The following DGKB variants were observed in gnomAD, a reference collection of about 807,000 sequenced individuals.
The protein encoded by DGKB is 90 kDa diacylglycerol kinase.
Under a neutral mutation model 114.3 loss-of-function variants are expected in DGKB, and 67 were observed. The ratio of observed to expected loss-of-function variants is 0.59; its 90% CI spans 0.48 to 0.72. The LOEUF is 0.72. DGKB is among the 30% of genes least tolerant of loss of function. The probability of loss-of-function intolerance (pLI) is 0.00; values close to 1 mark genes in which losing one functional copy is unlikely to be tolerated. For synonymous variants in DGKB, 398 were observed against 323.1 expected (o/e 1.23, Z -2.49); for missense variants, 907 against 975.2 (o/e 0.93, Z 0.93).
At chr7:14,700,248 C>G (rs1486422319) in intron 7 of DGKB, among the ~76,000 whole-genome samples, 8 of 142,926 alleles carry the variant, frequency 5.6e-5, no homozygotes, top group Admixed American at 2.2e-4. Context: ...GAGTCTTGCT[C>G]TCTCGCCCAG....
chr7:14,212,625 T>C (rs1788304951), intron 23 of DGKB, among the ~76,000 whole-genome samples: 1 of 152,122 alleles, frequency 6.6e-6, no homozygotes, highest in Non-Finnish European at 1.5e-5. Flanking sequence ...ATCTTGCAGA[T>C]GAGCTACACA....
At chr7:14,915,301 C>CTCAAGAATCA (rs1321728065) in intron 1 of DGKB, among the ~76,000 whole-genome samples, 2 of 152,076 alleles carry the variant, frequency 1.3e-5, no homozygotes, top group East Asian at 1.9e-4. Context: ...TCACTTGAGC[C>CTCAAGAATCA]CAGGAATTCG....
intron 20 of DGKB, among the ~76,000 whole-genome samples, chr7:14,549,237 A>G (rs567487485): frequency 1.3e-5 from 2 of 152,236 alleles, no homozygotes; most frequent in South Asian, 4.1e-4. Flanking sequence ...AGATGGTACT[A>G]TTGAACTGGT....
At chr7:14,492,176 C>A (rs889321439) in intron 20 of DGKB, among the ~76,000 whole-genome samples, 2 of 152,026 alleles carry the variant, frequency 1.3e-5, no homozygotes, top group East Asian at 3.9e-4. Flanking sequence ...GAAATTGCTC[C>A]TGTTAATCTT....
intron 21 of DGKB, among the ~76,000 whole-genome samples, chr7:14,432,435 C>A (rs1828595677): frequency 6.6e-6 from 1 of 152,142 alleles, no homozygotes; most frequent in Non-Finnish European, 1.5e-5. Context: ...TGTCTTTATT[C>A]TTTCAGGATA....
chr7:14,375,384 A>T (rs6946703), intron 21 of DGKB, among the ~76,000 whole-genome samples: 88,811 of 152,144 alleles, frequency 0.58, 26,437 homozygotes, highest in East Asian at 0.65. Flanking sequence ...CTAAGAGGTA[A>T]TGAACATGTA....
chr7:14,618,824 T>A (rs911644137), intron 15 of DGKB, among the ~76,000 whole-genome samples: 4 of 151,428 alleles, frequency 2.6e-5, no homozygotes, highest in Non-Finnish European at 5.9e-5. Context: ...GCAGTGTAGA[T>A]CTCTTCTGTC....
At chr7:14,567,257 T>A (rs1412941803) in intron 20 of DGKB, among the ~76,000 whole-genome samples, 2 of 50,208 alleles carry the variant, frequency 4.0e-5, no homozygotes, top group African/African-American at 1.8e-4. Context: ...ATTATATATT[T>A]ATATATTATA....
rs200127476 is a variant in DGKB at position 14,630,270 on chromosome 7, T to C, written c.1135-2A>G. ...TGAAACTCCTGAAGTGGGCAGAGTCTGCTGAAAAAGAGAAGTTCATATGAA... is the reference window on the plus strand; with the variant it reads ...TGAAACTCCTGAAGTGGGCAGAGTCCGCTGAAAAAGAGAAGTTCATATGAA... On this transcript the variant is annotated splice_acceptor_variant, in intron 13 of 25. Coordinates refer to ENST00000402815, the MANE Select transcript of DGKB (RefSeq NM_001350709.2). LOFTEE classifies it high-confidence loss of function. 1.3e-6 allele frequency: 2 copies of C among 1,555,056 alleles called. No homozygotes were observed. The highest frequency in any genetic ancestry group is 1.7e-6 in the Non-Finnish European group (2 of 1,150,148).
At position 14,146,970 on chromosome 7, in the gene DGKB, T is replaced by C. The variant is rs1207498639; in HGVS notation, c.*2161A>G. 1 of 152,192 alleles carries C rather than the reference T, an allele frequency of 6.6e-6. No homozygotes were observed. The highest frequency in any genetic ancestry group is 2.1e-4 in the South Asian group (1 of 4,828). 9.4% of individuals were successfully genotyped at this position (152,192 alleles called of 1,614,324 possible). A position where few individuals can be genotyped will look rare whatever the true frequency, so the allele number is the denominator to read the frequency against. On this transcript the variant is annotated 3_prime_UTR_variant, in exon 26 of 26. Transcript: ENST00000402815. ...CTGTTGCTGCCTTCAAACTATATAC[T>C]ATAAAAGGTAGCCAAGACATAATTG...
intron 17 of DGKB, among the ~76,000 whole-genome samples, chr7:14,597,624 C>T (rs996924984): frequency 2.0e-5 from 3 of 151,956 alleles, no homozygotes; most frequent in African/African-American, 7.3e-5. Context: ...TTTTCATGCT[C>T]CTTGAGTTGC....
chr7:14,178,457 A>G (rs1420642132), intron 23 of DGKB, among the ~76,000 whole-genome samples: 1 of 151,724 alleles, frequency 6.6e-6, no homozygotes, highest in Non-Finnish European at 1.5e-5. Context: ...CAACAAACTT[A>G]ATGTTATTCC....
chr7:14,223,183 T>C (rs1286749212), intron 23 of DGKB, among the ~76,000 whole-genome samples: 2 of 151,706 alleles, frequency 1.3e-5, no homozygotes, highest in Non-Finnish European at 3.0e-5. Context: ...AATTTTTGTT[T>C]TCTATAAGTC....
In DGKB at chr7:14,283,022, T is replaced by G. The variant is rs184047831; in HGVS notation, c.2122+55493A>C. ...TGGAAGTTCTGGCCAGGGCAATTAG[T>G]CAGGAGAAGGAAATAAGGGGTATTC... On this transcript the variant is annotated intron_variant, in intron 23 of 25. Coordinates refer to ENST00000402815, the MANE Select transcript of DGKB (RefSeq NM_001350709.2). 6.2e-3 allele frequency among the ~76,000 whole-genome samples: 938 copies of G among 150,452 alleles called. 5 individuals carry two copies. Among genetic ancestry groups the G allele is most frequent in the African/African-American group, 0.018 (739 of 41,388 alleles).
intron 6 of DGKB, among the ~76,000 whole-genome samples, chr7:14,702,429 G>C (rs2129012576): frequency 6.6e-6 from 1 of 152,264 alleles, no homozygotes; most frequent in Non-Finnish European, 1.5e-5. Flanking sequence ...ATCTGAGGTG[G>C]AGCTTCAGAG....
At position 14,338,583 on chromosome 7, in the gene DGKB, A is replaced by G; in HGVS notation, c.2054T>C (p.Ile685Thr). Residue 685 changes from isoleucine (I) to threonine (T), a missense_variant, in exon 23 of 26, where the codon ATA (isoleucine) becomes ACA (threonine). Transcript: ENST00000402815. ...ESKKRRSHRR[I>T]EKKGSDKRTT... ...CCTTTTGTCAGACCCTTTTTTCTCTATTCGTCGATGGCTTCGTCTTTTCTT... is the reference window on the plus strand; with the variant it reads ...CCTTTTGTCAGACCCTTTTTTCTCTGTTCGTCGATGGCTTCGTCTTTTCTT... The G allele has an allele frequency of 3.7e-6, 6 of 1,609,390 alleles. No individual in the cohort carries two copies. The highest frequency in any genetic ancestry group is 2.2e-5 in the East Asian group (1 of 44,660).
At chr7:14,280,673 C>A (rs1357443955) in intron 23 of DGKB, among the ~76,000 whole-genome samples, 1 of 150,844 alleles carries the variant, frequency 6.6e-6, no homozygotes, top group African/African-American at 2.4e-5. Context: ...CGGCAGAAAC[C>A]CTACAAGCCA....
intron 21 of DGKB, among the ~76,000 whole-genome samples, chr7:14,472,265 G>A (rs1046641607): frequency 3.3e-5 from 5 of 152,112 alleles, no homozygotes; most frequent in Non-Finnish European, 5.9e-5. Flanking sequence ...AATCATGGAG[G>A]CAGGTCTTTC....
At chr7:14,447,540 T>C (rs1198871118) in intron 21 of DGKB, among the ~76,000 whole-genome samples, 1 of 152,150 alleles carries the variant, frequency 6.6e-6, no homozygotes, top group Non-Finnish European at 1.5e-5. Flanking sequence ...TGAAGATATT[T>C]ATTTTTAAGT....
Sources: gnomAD v4.1 joint callset for allele counts (sites outside exome capture counted in the v4.1 genomes callset) on GRCh38, gnomAD v4.1.1 for gene constraint, MANE v1.5 for transcripts, NCBI Gene and HGNC (gene_info 2026-07-23, HGNC 2026-07-21) for gene names.